Variants in PNO1 observed in about 807,000 individuals in gnomAD.
PNO1 encodes RNA-binding protein PNO1.
In PNO1, 16 loss-of-function variants were observed where a neutral mutation model predicts 28.4. That is an observed-to-expected ratio of 0.56 (90% confidence interval 0.38 to 0.85). The LOEUF is 0.85. Ranked by LOEUF, PNO1 falls within the 40% of genes least tolerant of loss-of-function variation. PNO1 has a pLI of 0.00. For missense variants in PNO1, 304 were observed against 312.2 expected, an observed-to-expected ratio of 0.97 and a Z score of 0.20; for synonymous variants, 115 against 110.8, an observed-to-expected ratio of 1.04 and a Z score of -0.24.
chr2:68,167,710 A>T (rs1358734488), intron 5 of PNO1, among the ~76,000 whole-genome samples: 1 of 152,156 alleles, frequency 6.6e-6, no homozygotes, highest in Non-Finnish European at 1.5e-5. Context: ...GATTTTCTTA[A>T]TGGCATCTGG....
At chr2:68,169,362 G>A (rs1466141062) in intron 5 of PNO1, among the ~76,000 whole-genome samples, 2 of 152,154 alleles carry the variant, frequency 1.3e-5, no homozygotes, top group Admixed American at 6.5e-5. Context: ...ATTGCACTAA[G>A]ATTAAAAATA....
intron 5 of PNO1, among the ~76,000 whole-genome samples, chr2:68,163,552 C>CGT (rs1673894950): frequency 6.8e-6 from 1 of 147,880 alleles, no homozygotes; most frequent in African/African-American, 2.5e-5. Context: ...TACATACATA[C>CGT]ATACATACAT....
chr2:68,164,215 C>T (rs1430782430), intron 5 of PNO1, among the ~76,000 whole-genome samples: 4 of 152,174 alleles, frequency 2.6e-5, no homozygotes, highest in African/African-American at 9.7e-5. Context: ...TATGGCCAAG[C>T]ATGGTGGCTC....
At chr2:68,165,390 A>ACAACAAC (rs1558620026) in intron 5 of PNO1, among the ~76,000 whole-genome samples, 5 of 142,452 alleles carry the variant, frequency 3.5e-5, no homozygotes, top group African/African-American at 1.3e-4. Context: ...CAACAAAAAA[A>ACAACAAC]AAAAAACTAG....
At chr2:68,160,689 C>G (rs147279119) in intron 2 of PNO1, among the ~76,000 whole-genome samples, 124 of 152,310 alleles carry the variant, frequency 8.1e-4, no homozygotes, top group Non-Finnish European at 1.3e-3. Context: ...AGTCATCAGT[C>G]TAATAAGGGA....
At chr2:68,159,216 T>TA (rs1271715115) in intron 2 of PNO1, among the ~76,000 whole-genome samples, 11 of 152,026 alleles carry the variant, frequency 7.2e-5, no homozygotes, top group Non-Finnish European at 7.4e-5. Flanking sequence ...CTCTTTTGAT[T>TA]AAAAAATGTA....
chr2:68,160,618 G>A (rs556743994), intron 2 of PNO1, among the ~76,000 whole-genome samples: 2 of 152,332 alleles, frequency 1.3e-5, no homozygotes, highest in East Asian at 3.9e-4. Flanking sequence ...ATTACACCAT[G>A]CTCTACATCA....
At chr2:68,174,617 C>T in intron 6 of PNO1, 118 bp from the exon 7 acceptor site, 1 of 601,340 alleles carries the variant, frequency 1.7e-6, no homozygotes, top group Non-Finnish European at 3.0e-6. Context: ...CTTGAGCATC[C>T]AAGGATTGTG....
chr2:68,162,484 T>C, intron 4 of PNO1, 62 bp from the exon 5 acceptor site: 1 of 1,202,554 alleles, frequency 8.3e-7, no homozygotes, highest in Non-Finnish European at 1.2e-6. Flanking sequence ...GATTAAACTT[T>C]ATGTGGAATG....
chr2:68,165,373 A>G, intron 5 of PNO1, among the ~76,000 whole-genome samples: 1 of 102,396 alleles, frequency 9.8e-6, no homozygotes, highest in South Asian at 3.8e-4. Context: ...CAAAAAAAAA[A>G]AAAAAACAAC....
At chr2:68,158,169 A>G (rs1232480826) in intron 1 of PNO1, 28 bp downstream of exon 1, 3 of 1,556,116 alleles carry the variant, frequency 1.9e-6, no homozygotes, top group South Asian at 1.2e-5. Flanking sequence ...TAGGACAGCA[A>G]CGAGGCAAGG....
intron 5 of PNO1, among the ~76,000 whole-genome samples, chr2:68,164,357 G>A (rs772410152): frequency 6.6e-5 from 10 of 151,906 alleles, no homozygotes; most frequent in Non-Finnish European, 1.3e-4. Flanking sequence ...CGGGTGTGGC[G>A]GCCCACACCT....
Position 68,158,529 on chromosome 2 carries a change from G to T in PNO1, c.357G>T (p.Arg119Ser). Residue 119 changes from arginine (R) to serine (S), a missense_variant and splice_region_variant, in exon 2 of 7, where the codon AGG becomes AGT. Coordinates refer to ENST00000263657, the MANE Select transcript of PNO1 (RefSeq NM_020143.4). The stretch of plus-strand genomic sequence containing the variant: ...TGAAATCAAGGAATGTAGAAATCAG[G>T]GTAAGGAAAATCTCAATCATTTCCC... ...FNLKSRNVEI[R>S]TCKETKDVSA... is the part of the protein sequence containing the mutation. 6.2e-7 allele frequency: 1 copy of T among 1,610,436 alleles called. No individual in the cohort carries two copies. The highest frequency in any genetic ancestry group is 8.5e-7 in the Non-Finnish European group (1 of 1,178,698).
chr2:68,169,823 C>G (rs1278697380), intron 5 of PNO1, among the ~76,000 whole-genome samples: 2 of 152,104 alleles, frequency 1.3e-5, no homozygotes, highest in Non-Finnish European at 2.9e-5. Flanking sequence ...GGTTTTTTCA[C>G]ATCTCCAAAA....
At position 68,173,348 on chromosome 2, in the gene PNO1, A is replaced by G; in HGVS notation, c.622A>G (p.Lys208Glu). 4 of 1,591,092 alleles carry G rather than the reference A, an allele frequency of 2.5e-6. No individual in the cohort carries two copies. The highest frequency in any genetic ancestry group is 2.6e-6 in the Non-Finnish European group (3 of 1,159,676). Reference protein sequence around the residue: ...TRTRIVLADVKVHILGSFQNI... With the variant: ...TRTRIVLADVEVHILGSFQNI... ...TTTGTCTCATTTTATTTCTTTCAGG[A>G]AAGTTCACATCCTTGGCTCCTTCCA... is the stretch of plus-strand genomic sequence containing the variant. The change falls in exon 6 of 7, where the codon AAA (lysine) becomes GAA (glutamate). Residue 208 changes from lysine to glutamate, a missense_variant and splice_region_variant. Physicochemically the swap from Lys to Glu is moderately conservative, Grantham distance 56. Transcript: ENST00000263657.
chr2:68,171,939 A>G (rs928145491), intron 5 of PNO1, among the ~76,000 whole-genome samples: 2 of 152,042 alleles, frequency 1.3e-5, no homozygotes, highest in African/African-American at 4.8e-5. Flanking sequence ...GGAATGACAG[A>G]AAGTGGTGAA....
At chr2:68,168,458 AGT>A (rs1674047607) in intron 5 of PNO1, among the ~76,000 whole-genome samples, 1 of 152,130 alleles carries the variant, frequency 6.6e-6, no homozygotes, top group Non-Finnish European at 1.5e-5. Context: ...TGTGGAACAG[AGT>A]GTGGGAAGAG....
At chr2:68,169,357 A>G (rs1287815099) in intron 5 of PNO1, among the ~76,000 whole-genome samples, 1 of 152,130 alleles carries the variant, frequency 6.6e-6, no homozygotes, top group Non-Finnish European at 1.5e-5. Flanking sequence ...ACAATATTGC[A>G]CTAAGATTAA....
In PNO1 at chr2:68,158,517, T is replaced by C. The variant is rs751269158; in HGVS notation, c.345T>C (p.Asn115=). 6.2e-7 allele frequency: 1 copy of C among 1,612,874 alleles called. No individual in the cohort carries two copies. The highest frequency in any genetic ancestry group is 8.5e-7 in the Non-Finnish European group (1 of 1,179,534). Residue 115 remains asparagine, a synonymous_variant, in exon 2 of 7, where the codon AAT becomes AAC. Coordinates refer to ENST00000263657, the MANE Select transcript of PNO1 (RefSeq NM_020143.4). The part of the protein sequence containing the change: ...LQIRFNLKSR[N]VEIRTCKETK... ...TACGCTTTAACTTGAAATCAAGGAA[T>C]GTAGAAATCAGGGTAAGGAAAATCT...
Sources: allele counts gnomAD v4.1 joint callset (sites outside exome capture counted in the v4.1 genomes callset), GRCh38; gene constraint gnomAD v4.1.1; transcripts MANE v1.5; gene names NCBI Gene and HGNC (gene_info 2026-07-23, HGNC 2026-07-21).